The following GLDC variants were observed in gnomAD, a reference collection of about 807,000 sequenced individuals.
GLDC encodes the protein glycine decarboxylase.
Under a neutral mutation model 121.3 loss-of-function variants are expected in GLDC, and 104 were observed. The observed-to-expected ratio is 0.86, with a 90% confidence interval of 0.73 to 1.01. GLDC has a LOEUF of 1.01. Among genes scored for constraint, GLDC ranks in the 50% least tolerant of loss-of-function variants. The pLI, the probability that GLDC is intolerant of heterozygous loss-of-function variation, is 0.00. For missense variants in GLDC, 1,429 were observed against 1,306.6 expected, an observed-to-expected ratio of 1.09 and a Z score of -1.44; for synonymous variants, 546 against 480.6, an observed-to-expected ratio of 1.14 and a Z score of -1.78.
At chr9:6,571,478 G>T (rs899368316) in intron 15 of GLDC, among the ~76,000 whole-genome samples, 17 of 152,116 alleles carry the variant, frequency 1.1e-4, no homozygotes, top group African/African-American at 3.9e-4. Context: ...TAAAATAAGG[G>T]TTCCTTGCAA....
intron 17 of GLDC, chr9:6,558,337 A>T (rs1177643693): frequency 3.0e-6 from 2 of 662,894 alleles, no homozygotes; most frequent in Non-Finnish European, 5.4e-6. Flanking sequence ...TCTTACTACC[A>T]CCATGAATAA....
chr9:6,543,891 G>A (rs1817326647), intron 21 of GLDC, among the ~76,000 whole-genome samples: 1 of 150,790 alleles, frequency 6.6e-6, no homozygotes, highest in Non-Finnish European at 1.5e-5. Flanking sequence ...AGGAGGACAG[G>A]AGGGGGGGGG....
chr9:6,578,362 C>G (rs1321196024), intron 15 of GLDC, among the ~76,000 whole-genome samples: 1 of 152,096 alleles, frequency 6.6e-6, no homozygotes, highest in Non-Finnish European at 1.5e-5. Flanking sequence ...AGTGATCCTC[C>G]CACCTCAGAC....
intron 19 of GLDC, 77 bp downstream of exon 19, chr9:6,554,592 G>A (rs759989554): frequency 4.3e-5 from 42 of 984,786 alleles, no homozygotes; most frequent in Non-Finnish European, 5.6e-5. Context: ...AGACTTTGAT[G>A]GGATGAGTAG....
rs942841834 is a variant in GLDC, at chr9:6,532,848, C to T, written c.*169G>A. 3.6e-5 allele frequency: 24 copies of T among 668,508 alleles called. No homozygotes were observed. Among genetic ancestry groups the T allele is most frequent in the African/African-American group, 2.5e-4 (14 of 56,260 alleles). 41.4% of individuals were successfully genotyped at this position (668,508 alleles called of 1,614,324 possible). A position where few individuals can be genotyped will look rare whatever the true frequency, so the allele number is the denominator to read the frequency against. ...AAATCCGTCTTCCAACCATCAGCTT[C>T]GACTCCCTCCAGCTACTGTATTTAC... is the stretch of plus-strand genomic sequence containing the variant. On this transcript the variant is annotated 3_prime_UTR_variant, in exon 25 of 25. Coordinates refer to ENST00000321612, the MANE Select transcript of GLDC (RefSeq NM_000170.3).
At chr9:6,545,884 G>A (rs1346935520) in intron 21 of GLDC, among the ~76,000 whole-genome samples, 1 of 152,072 alleles carries the variant, frequency 6.6e-6, no homozygotes, top group Non-Finnish European at 1.5e-5. Flanking sequence ...CAAGTGATCT[G>A]CCCGCCTCAG....
chr9:6,602,076 GC>G lies in GLDC; in HGVS notation c.1155+32del, dbSNP rs749215596. On this transcript the variant is annotated intron_variant, in intron 8 of 24. Coordinates refer to ENST00000321612, the MANE Select transcript of GLDC (RefSeq NM_000170.3). ...GTAGCTCATTTCTGTGTATCGTAAGGCATTCAGTAGTCAGGTCAGACGTGTG... is the reference window on the plus strand; with the variant it reads ...GTAGCTCATTTCTGTGTATCGTAAGGATTCAGTAGTCAGGTCAGACGTGTG... 6.9e-5 allele frequency: 83 copies of G among 1,203,812 alleles called. No individual in the cohort carries two copies. In the African/African-American group the frequency reaches 1.0e-3, roughly 15 times the overall value. The allele number at this position is 1,203,812 out of a possible 1,614,324, so 74.6% of individuals were successfully genotyped here. A position where few individuals can be genotyped will look rare whatever the true frequency, so the allele number is the denominator to read the frequency against.
chr9:6,628,154 T>C (rs1167913650), intron 2 of GLDC, among the ~76,000 whole-genome samples: 1 of 152,170 alleles, frequency 6.6e-6, no homozygotes, highest in Non-Finnish European at 1.5e-5. Flanking sequence ...TTCCTACCAC[T>C]GTACACCTCT....
Position 6,633,252 on chromosome 9 carries a change from C to T in GLDC, c.334+11362G>A, listed in dbSNP as rs151130636. Among the ~76,000 whole-genome samples, 258 of 152,302 alleles carry T rather than the reference C, an allele frequency of 1.7e-3. 1 individual carries two copies. The highest frequency in any genetic ancestry group is 5.1e-3 in the African/African-American group (212 of 41,560). ...ATCCTTCTGCCTCTGATGACTTCAT[C>T]TCAGACTGCCCTGCCTCTCTCCTTC... On this transcript the variant is annotated intron_variant, in intron 2 of 24. Coordinates refer to ENST00000321612, the MANE Select transcript of GLDC (RefSeq NM_000170.3).
intron 12 of GLDC, 93 bp downstream of exon 12, chr9:6,589,102 G>A (rs1563849645): frequency 2.4e-6 from 2 of 828,194 alleles, no homozygotes. Flanking sequence ...GAATAACCAG[G>A]CCACAGCAGG....
At chr9:6,601,908 G>T (rs1035910139) in intron 8 of GLDC, among the ~76,000 whole-genome samples, 2 of 152,164 alleles carry the variant, frequency 1.3e-5, no homozygotes, top group Admixed American at 6.5e-5. Flanking sequence ...TGGGATTACA[G>T]GCATGAGCCA....
intron 10 of GLDC, among the ~76,000 whole-genome samples, chr9:6,592,482 G>A (rs1476097095): frequency 6.6e-6 from 1 of 152,176 alleles, no homozygotes; most frequent in Non-Finnish European, 1.5e-5. Flanking sequence ...AGCTAGACAT[G>A]CTTATCTTTT....
intron 15 of GLDC, among the ~76,000 whole-genome samples, chr9:6,575,609 TG>T (rs1192550829): frequency 1.3e-5 from 2 of 152,242 alleles, no homozygotes; most frequent in Non-Finnish European, 2.9e-5. Flanking sequence ...AAGGAGATTC[TG>T]GGAAAAGCAA....
chr9:6,543,224 A>G (rs1441926640), intron 21 of GLDC, among the ~76,000 whole-genome samples: 1 of 152,126 alleles, frequency 6.6e-6, no homozygotes, highest in Non-Finnish European at 1.5e-5. Context: ...GCAATGAGCT[A>G]TGATAATGTG....
At chr9:6,619,743 G>A (rs188425990) in intron 3 of GLDC, among the ~76,000 whole-genome samples, 8 of 152,164 alleles carry the variant, frequency 5.3e-5, no homozygotes, top group Admixed American at 2.6e-4. Flanking sequence ...GGTGGTAGGC[G>A]GGGAATCCTG....
chr9:6,614,428 G>C (rs545038524), intron 3 of GLDC, among the ~76,000 whole-genome samples: 1 of 151,906 alleles, frequency 6.6e-6, no homozygotes, highest in Admixed American at 6.6e-5. Flanking sequence ...TAGGGATGGA[G>C]TTTCACCATG....
chr9:6,622,015 C>A (rs139301441), intron 2 of GLDC, among the ~76,000 whole-genome samples: 41 of 152,182 alleles, frequency 2.7e-4, no homozygotes, highest in African/African-American at 8.4e-4. Context: ...CAGAGAAAAA[C>A]GTAGGTAAAG....
intron 12 of GLDC, 77 bp from the exon 13 acceptor site, chr9:6,588,779 A>G (rs1373864863): frequency 1.1e-6 from 1 of 879,818 alleles, no homozygotes; most frequent in Non-Finnish European, 2.0e-6. Context: ...CATATAAGAC[A>G]CACCGAAATC....
intron 9 of GLDC, 64 bp downstream of exon 9, chr9:6,594,950 T>TC: frequency 1.0e-6 from 1 of 997,168 alleles, no homozygotes; most frequent in Non-Finnish European, 1.6e-6. Context: ...TGCAATATTT[T>TC]CAATTTTACT....
Sources: allele counts gnomAD v4.1 joint callset (sites outside exome capture counted in the v4.1 genomes callset), GRCh38; gene constraint gnomAD v4.1.1; transcripts MANE v1.5; gene names NCBI Gene and HGNC (gene_info 2026-07-23, HGNC 2026-07-21).